Variants in ZNF521 observed in about 807,000 individuals in gnomAD.
ZNF521 encodes LYST-interacting protein 3.
A neutral mutation model predicts 105.5 loss-of-function variants in ZNF521; 14 were observed. The observed-to-expected ratio is 0.13, with a 90% CI of 0.09 to 0.21. ZNF521 has a LOEUF of 0.21. Among genes scored for constraint, ZNF521 ranks in the 10% least tolerant of loss-of-function variants. The probability of loss-of-function intolerance (pLI) is 1.00; values close to 1 mark genes in which losing one functional copy is unlikely to be tolerated. For synonymous variants in ZNF521, 635 were observed against 606.0 expected (o/e 1.05, Z -0.70); for missense variants, 1,233 against 1,629.7 (o/e 0.76, Z 4.19).
At chr18:25,119,062 T>G (rs117756521) in intron 5 of ZNF521, among the ~76,000 whole-genome samples, 3 of 152,048 alleles carry the variant, frequency 2.0e-5, no homozygotes, top group African/African-American at 7.2e-5. Flanking sequence ...CTGGAAAATA[T>G]AACAGACATA....
At chr18:25,184,547 T>C (rs2035688238) in intron 5 of ZNF521, among the ~76,000 whole-genome samples, 2 of 152,154 alleles carry the variant, frequency 1.3e-5, no homozygotes, top group African/African-American at 4.8e-5. Flanking sequence ...ACTGAGTGGA[T>C]TAAGGTTTAA....
At chr18:25,193,752 G>A (rs183451570) in intron 5 of ZNF521, among the ~76,000 whole-genome samples, 2 of 151,912 alleles carry the variant, frequency 1.3e-5, no homozygotes, top group South Asian at 2.1e-4. Context: ...AGCTGTCAAC[G>A]CTATTGTCAC....
intron 3 of ZNF521, among the ~76,000 whole-genome samples, chr18:25,268,313 G>A (rs1600234415): frequency 6.6e-6 from 1 of 152,134 alleles, no homozygotes; most frequent in African/African-American, 2.4e-5. Flanking sequence ...TTTGATTGCT[G>A]TACCTGAAAG....
At chr18:25,244,642 G>A (rs921733062) in intron 3 of ZNF521, among the ~76,000 whole-genome samples, 3 of 152,208 alleles carry the variant, frequency 2.0e-5, no homozygotes, top group Non-Finnish European at 4.4e-5. Flanking sequence ...ACAACTTACT[G>A]TTGTTCCAGC....
intron 5 of ZNF521, among the ~76,000 whole-genome samples, chr18:25,187,397 T>C (rs1374593276): frequency 6.6e-6 from 1 of 152,022 alleles, no homozygotes; most frequent in Admixed American, 6.6e-5. Context: ...TTGATGAAAA[T>C]AGTAAGAAAA....
intron 3 of ZNF521, among the ~76,000 whole-genome samples, chr18:25,266,479 G>C (rs1388944822): frequency 6.6e-6 from 1 of 151,264 alleles, no homozygotes; most frequent in Non-Finnish European, 1.5e-5. Context: ...AACAGGAACA[G>C]GTCCGGTCTG....
At chr18:25,249,125 TG>T (rs1907928711) in intron 3 of ZNF521, among the ~76,000 whole-genome samples, 1 of 152,006 alleles carries the variant, frequency 6.6e-6, no homozygotes, top group South Asian at 2.1e-4. Context: ...TAAATATTTA[TG>T]GTACCATACC....
intron 7 of ZNF521, among the ~76,000 whole-genome samples, chr18:25,084,753 T>G (rs2033583740): frequency 6.6e-6 from 1 of 152,226 alleles, no homozygotes; most frequent in Middle Eastern, 3.2e-3. Context: ...GAACTTTCTA[T>G]GTGGACACAT....
chr18:25,347,913 G>A (rs1157441065), intron 2 of ZNF521, among the ~76,000 whole-genome samples: 2 of 152,180 alleles, frequency 1.3e-5, no homozygotes, highest in Non-Finnish European at 2.9e-5. Context: ...TAGTATGCAT[G>A]TAAGACAGAA....
chr18:25,250,747 C>T (rs981587901), intron 3 of ZNF521, among the ~76,000 whole-genome samples: 13 of 152,144 alleles, frequency 8.5e-5, no homozygotes, highest in Non-Finnish European at 1.9e-4. Context: ...TTCGATTTCC[C>T]TCAAACACAA....
chr18:25,203,553 G>A (rs1378720027), intron 4 of ZNF521, among the ~76,000 whole-genome samples: 1 of 152,096 alleles, frequency 6.6e-6, no homozygotes, highest in Non-Finnish European at 1.5e-5. Context: ...GGAGTTTGAG[G>A]CTGCAGTGAG....
At chr18:25,313,820 C>A (rs1912456690) in intron 3 of ZNF521, among the ~76,000 whole-genome samples, 1 of 151,754 alleles carries the variant, frequency 6.6e-6, no homozygotes, top group South Asian at 2.1e-4. Context: ...AAGTAAAATG[C>A]ATATAGAGAT....
intron 5 of ZNF521, among the ~76,000 whole-genome samples, chr18:25,108,434 GTCTTA>G (rs2034117152): frequency 6.6e-6 from 1 of 151,576 alleles, no homozygotes; most frequent in African/African-American, 2.4e-5. Context: ...TCATGTTTTT[GTCTTA>G]TCTTTTTACT....
chr18:25,254,951 C>A (rs1300018614), intron 3 of ZNF521, among the ~76,000 whole-genome samples: 1 of 152,008 alleles, frequency 6.6e-6, no homozygotes, highest in African/African-American at 2.4e-5. Context: ...ATGAGTTAAG[C>A]CAGAAGTACA....
intron 3 of ZNF521, among the ~76,000 whole-genome samples, chr18:25,314,094 A>T (rs1912473552): frequency 6.6e-6 from 1 of 152,184 alleles, no homozygotes. Context: ...TGCAAATAAA[A>T]CTTATAATGC....
chr18:25,309,977 AG>A (rs1912204446), intron 3 of ZNF521, among the ~76,000 whole-genome samples: 2 of 152,190 alleles, frequency 1.3e-5, no homozygotes, highest in South Asian at 4.1e-4. Flanking sequence ...TTTCTATAAA[AG>A]TTTATTTTGC....
chr18:25,081,106 G>A (rs1043959628), intron 7 of ZNF521, among the ~76,000 whole-genome samples: 1 of 150,622 alleles, frequency 6.6e-6, no homozygotes, highest in Non-Finnish European at 1.5e-5. Context: ...AGCAGAATGT[G>A]GCAGAGGTGA....
At chr18:25,078,120 G>A (rs1306676789) in intron 7 of ZNF521, among the ~76,000 whole-genome samples, 1 of 152,158 alleles carries the variant, frequency 6.6e-6, no homozygotes, top group Non-Finnish European at 1.5e-5. Flanking sequence ...GAGGCCTAGG[G>A]GAAGAGGCCC....
intron 2 of ZNF521, among the ~76,000 whole-genome samples, chr18:25,347,893 G>A (rs1279006068): frequency 1.3e-5 from 2 of 152,114 alleles, no homozygotes; most frequent in South Asian, 2.1e-4. Flanking sequence ...CATCTTGTTG[G>A]TTAAAGTACT....
Sources: gnomAD v4.1 joint callset for allele counts (sites outside exome capture counted in the v4.1 genomes callset) on GRCh38, gnomAD v4.1.1 for gene constraint, MANE v1.5 for transcripts, NCBI Gene and HGNC (gene_info 2026-07-23, HGNC 2026-07-21) for gene names.